Variants in GSS observed in about 807,000 individuals in gnomAD.
The protein encoded by GSS is GSH synthetase.
Under a neutral mutation model 60.4 loss-of-function variants are expected in GSS, and 34 were observed. That is an observed-to-expected ratio of 0.56 (90% CI 0.43 to 0.75). The LOEUF (loss-of-function observed/expected upper bound fraction) is 0.75, where lower values mean the gene tolerates loss of function less well. Ranked by LOEUF, GSS falls within the 30% of genes least tolerant of loss-of-function variation. The pLI, the probability that GSS is intolerant of heterozygous loss-of-function variation, is 0.00. For synonymous variants in GSS, 224 were observed against 239.0 expected, an observed-to-expected ratio of 0.94 and a Z score of 0.58; for missense variants, 499 against 595.1, an observed-to-expected ratio of 0.84 and a Z score of 1.68.
At chr20:34,945,816 A>G (rs1412011080) in intron 3 of GSS, 137 bp downstream of exon 3, 5 of 888,142 alleles carry the variant, frequency 5.6e-6, no homozygotes, top group South Asian at 2.9e-5. Flanking sequence ...CCTGACTCCT[A>G]TGACTTTTTG....
rs759831629 is a variant in GSS, at chr20:34,928,762, C to A, written c.*66G>T. 9 of 1,591,312 alleles carry A rather than the reference C, an allele frequency of 5.7e-6. No individual in the cohort carries two copies. Among genetic ancestry groups the A allele is most frequent in the Non-Finnish European group, 7.8e-6 (9 of 1,160,126 alleles). On this transcript the variant is annotated 3_prime_UTR_variant, in exon 13 of 13. Coordinates refer to ENST00000651619, the MANE Select transcript of GSS (RefSeq NM_000178.4). ...TTTGGAGGTCTTTAGGAGGATACCC[C>A]TCAGGAGGGCTAGGAGAGGAATGAC...
Position 34,942,535 on chromosome 20 carries a change from G to A in GSS, c.444C>T (p.Ile148=). Residue 148 remains isoleucine, a synonymous_variant, in exon 5 of 13, where the codon ATC becomes ATT. Coordinates refer to ENST00000651619, the MANE Select transcript of GSS (RefSeq NM_000178.4). ...AGGCCAGGCCCCCAAAGCTGGCAGA[G>A]ATGGTGTTGATTTCGATCTGTTTCA... The part of the protein sequence containing the change: ...PALKQIEINT[I]SASFGGLASR... 3 of 1,614,064 alleles carry A rather than the reference G, an allele frequency of 1.9e-6. No homozygotes were observed. The highest frequency in any genetic ancestry group is 1.6e-4 in the Middle Eastern group (1 of 6,062).
chr20:34,935,497 G>A, intron 9 of GSS, 79 bp downstream of exon 9: 1 of 965,496 alleles, frequency 1.0e-6, no homozygotes, highest in Non-Finnish European at 1.7e-6. Flanking sequence ...AACCCAGGTT[G>A]TTATAAGCCT....
Position 34,942,768 on chromosome 20 carries a change from T to C in GSS, c.352-141A>G, listed in dbSNP as rs2081494213. On this transcript the variant is annotated intron_variant, in intron 4 of 12. Coordinates refer to ENST00000651619, the MANE Select transcript of GSS (RefSeq NM_000178.4). ...CTCCCAAGCCCAGTGGAATCATTCT[T>C]CTGGTCATCCTAGAATTGGTCACTG... 29 of 978,084 alleles carry C rather than the reference T, an allele frequency of 3.0e-5. No homozygotes were observed. The South Asian group carries it at 4.0e-4, about 13-fold the overall frequency. 60.6% of individuals were successfully genotyped at this position (978,084 alleles called of 1,614,324 possible).
chr20:34,954,247 G>T (rs2081594874), intron 1 of GSS: 1 of 152,202 alleles, frequency 6.6e-6, no homozygotes, highest in Non-Finnish European at 1.5e-5. Context: ...TATGGAGGAG[G>T]ATAAGACATA....
At chr20:34,946,690 C>T (rs963489924) in intron 2 of GSS, 1 of 152,410 alleles carries the variant, frequency 6.6e-6, no homozygotes, top group African/African-American at 2.4e-5. Context: ...CAGGAGCTCA[C>T]ACTCCAGTTT....
chr20:34,946,987 T>G (rs937842083), intron 2 of GSS, among the ~76,000 whole-genome samples: 2 of 152,264 alleles, frequency 1.3e-5, no homozygotes. Context: ...ACTTGTATTA[T>G]AAAGCATTCC....
chr20:34,945,796 A>G (rs1286397101), intron 3 of GSS, among the ~76,000 whole-genome samples, 157 bp downstream of exon 3: 1 of 152,226 alleles, frequency 6.6e-6, no homozygotes, highest in Non-Finnish European at 1.5e-5. Flanking sequence ...CAGGATTAGA[A>G]GCCAGCTTTC....
chr20:34,950,020 C>CACAT (rs2081554954), intron 2 of GSS: 1 of 128,466 alleles, frequency 7.8e-6, no homozygotes, highest in Admixed American at 7.6e-5. Flanking sequence ...CTCTCACACA[C>CACAT]ACACACACAC....
At chr20:34,941,517 G>A (rs999113481) in intron 6 of GSS, among the ~76,000 whole-genome samples, 196 bp downstream of exon 6, 1 of 152,142 alleles carries the variant, frequency 6.6e-6, no homozygotes, top group Non-Finnish European at 1.5e-5. Context: ...CACTCAATAA[G>A]AAAAAGTTAA....
At chr20:34,950,730 C>G in intron 2 of GSS, among the ~76,000 whole-genome samples, 1 of 152,114 alleles carries the variant, frequency 6.6e-6, no homozygotes, top group East Asian at 1.9e-4. Context: ...GATTGTGCCA[C>G]TACACTCCAG....
chr20:34,953,498 C>T (rs760147413), intron 1 of GSS, among the ~76,000 whole-genome samples: 1 of 152,018 alleles, frequency 6.6e-6, no homozygotes, highest in Admixed American at 6.6e-5. Flanking sequence ...CATAATAATA[C>T]GACTTCTCCC....
In GSS at chr20:34,942,502, G is replaced by A. The variant is rs143272537; in HGVS notation, c.477C>T (p.Thr159=). 3.1e-5 allele frequency: 50 copies of A among 1,613,780 alleles called. No homozygotes were observed. The highest frequency in any genetic ancestry group is 4.0e-5 in the Non-Finnish European group (47 of 1,179,986). The change falls in exon 5 of 13, where the codon ACC becomes ACT. Residue 159 remains threonine, a synonymous_variant. Transcript: ENST00000651619. ...SASFGGLASR[T]PAVHRHVLSV... The stretch of plus-strand genomic sequence containing the variant: ...AGGGGACCCACCGGTGCACAGCTGG[G>A]GTCCGGGAGGCCAGGCCCCCAAAGC...
chr20:34,942,466 GGGGGCTGCCCA>G lies in GSS; in HGVS notation c.491+11_491+21del, dbSNP rs1647792118. 1 of 1,606,412 alleles carries G rather than the reference GGGGGCTGCCCA, an allele frequency of 6.2e-7. No homozygotes were observed. The highest frequency in any genetic ancestry group is 1.3e-5 in the African/African-American group (1 of 74,866). ...CAGCATGTCACCCCACAGGTATGCC[GGGGGCTGCCCA>G]GGGGACCCACCGGTGCACAGCTGGG... On this transcript the variant is annotated intron_variant, in intron 5 of 12. Transcript: ENST00000651619.
chr20:34,955,139 G>A (rs560074336), intron 1 of GSS: 7 of 152,178 alleles, frequency 4.6e-5, no homozygotes, highest in South Asian at 2.1e-4. Flanking sequence ...TCTCCGCCCC[G>A]GGCTTCTACA....
intron 12 of GSS, 68 bp from the exon 13 acceptor site, chr20:34,929,019 C>T (rs2081376530): frequency 6.3e-7 from 1 of 1,588,646 alleles, no homozygotes. Flanking sequence ...CTTCCCTGGA[C>T]CCAGCTGAGC....
chr20:34,930,007 C>T (rs2147120882), intron 11 of GSS, among the ~76,000 whole-genome samples: 1 of 152,254 alleles, frequency 6.6e-6, no homozygotes, highest in East Asian at 1.9e-4. Flanking sequence ...GTGGCTCACG[C>T]CTGTAATCCC....
chr20:34,934,288 T>G lies in GSS; in HGVS notation c.834+1288A>C, dbSNP rs1002807145. On this transcript the variant is annotated intron_variant, in intron 9 of 12. Transcript: ENST00000651619. ...GAAATCTAGACCCATTTCTTTTTTT[T>G]TTTTTTGAGACAGAGTCTCGCTCTG... 23 of 151,824 alleles carry G rather than the reference T, an allele frequency of 1.5e-4. 1 individual carries two copies. The highest frequency in any genetic ancestry group is 1.4e-3 in the Admixed American group (21 of 15,240). The allele number at this position is 151,824 out of a possible 1,614,324, so 9.4% of individuals were successfully genotyped here.
chr20:34,943,650 A>G (rs1388760680), intron 3 of GSS, among the ~76,000 whole-genome samples: 3 of 152,156 alleles, frequency 2.0e-5, no homozygotes, highest in African/African-American at 7.2e-5. Context: ...AGCCTTCCCT[A>G]TCTGAGTCAG....
Sources: gnomAD v4.1 joint callset for allele counts (sites outside exome capture counted in the v4.1 genomes callset) on GRCh38, gnomAD v4.1.1 for gene constraint, MANE v1.5 for transcripts, NCBI Gene and HGNC (gene_info 2026-07-23, HGNC 2026-07-21) for gene names.